The following SMOC2 variants were observed in gnomAD, a reference collection of about 807,000 sequenced individuals.
The protein encoded by SMOC2 is SPARC related modular calcium binding 2.
Under a neutral mutation model 61.4 loss-of-function variants are expected in SMOC2, and 39 were observed. The ratio of observed to expected loss-of-function variants is 0.64; its 90% CI spans 0.49 to 0.83. The LOEUF (loss-of-function observed/expected upper bound fraction) is 0.83. SMOC2 is among the 40% of genes least tolerant of loss of function. The pLI, the probability that SMOC2 is intolerant of heterozygous loss-of-function variation, is 0.00. For synonymous variants in SMOC2, 247 were observed against 239.9 expected, an observed-to-expected ratio of 1.03 and a Z score of -0.27; for missense variants, 556 against 592.9, an observed-to-expected ratio of 0.94 and a Z score of 0.65.
intron 7 of SMOC2, among the ~76,000 whole-genome samples, chr6:168,582,568 A>G (rs1452147516): frequency 2.6e-5 from 4 of 152,058 alleles, no homozygotes; most frequent in Admixed American, 2.6e-4. Flanking sequence ...AGGAAACCAG[A>G]CAGCTGGAGG....
chr6:168,588,241 G>A (rs1023353039), intron 7 of SMOC2, among the ~76,000 whole-genome samples: 1 of 151,268 alleles, frequency 6.6e-6, no homozygotes, highest in East Asian at 1.9e-4. Flanking sequence ...CTCCTGTCTC[G>A]GCCCCCTGAG....
chr6:168,599,548 A>T, intron 8 of SMOC2, among the ~76,000 whole-genome samples: 1 of 98,672 alleles, frequency 1.0e-5, no homozygotes, highest in Non-Finnish European at 2.0e-5. Context: ...ACTCACACAC[A>T]CTCATACCCC....
At chr6:168,524,475 T>C (rs1253841435) in intron 2 of SMOC2, among the ~76,000 whole-genome samples, 1 of 152,212 alleles carries the variant, frequency 6.6e-6, no homozygotes, top group East Asian at 1.9e-4. Flanking sequence ...TTAAAAGAAG[T>C]CCACGCCAAG....
chr6:168,514,120 C>T (rs2115056652), intron 2 of SMOC2, among the ~76,000 whole-genome samples: 1 of 152,278 alleles, frequency 6.6e-6, no homozygotes, highest in South Asian at 2.1e-4. Flanking sequence ...AGTGCCGACC[C>T]CACCCAGCTT....
intron 7 of SMOC2, among the ~76,000 whole-genome samples, chr6:168,586,054 G>T (rs1018825127): frequency 3.3e-5 from 5 of 152,080 alleles, no homozygotes; most frequent in Middle Eastern, 3.2e-3. Flanking sequence ...CTGCCCTAGA[G>T]ATCTTTGTCT....
chr6:168,540,729 G>A (rs997705202), intron 4 of SMOC2, among the ~76,000 whole-genome samples: 1 of 152,180 alleles, frequency 6.6e-6, no homozygotes, highest in Admixed American at 6.5e-5. Flanking sequence ...ACGCCGTCTA[G>A]ACCAGAGAAC....
At position 168,542,444 on chromosome 6, in the gene SMOC2, T is replaced by C. The variant is rs574695871; in HGVS notation, c.464-1181T>C. 5.3e-5 allele frequency among the ~76,000 whole-genome samples: 8 copies of C among 152,312 alleles called. No homozygotes were observed. The East Asian group carries it at 7.7e-4, about 15-fold the overall frequency. On this transcript the variant is annotated intron_variant, in intron 4 of 12. Coordinates refer to ENST00000356284, the MANE Select transcript of SMOC2 (RefSeq NM_001166412.2). Reference sequence around the variant, plus strand: ...TTTTTATCCCCTGGGGACACTAAATTCCCAAACGCATATTATTTAGTTATT... The same window carrying C: ...TTTTTATCCCCTGGGGACACTAAATCCCCAAACGCATATTATTTAGTTATT...
rs531256997 is a variant in SMOC2, at chr6:168,557,786, A to C, written c.637+8583A>C. Among the ~76,000 whole-genome samples, 145 of 152,308 alleles carry C rather than the reference A, an allele frequency of 9.5e-4. 3 individuals are homozygous for C. The South Asian group carries it at 0.028, about 30-fold the overall frequency. On this transcript the variant is annotated intron_variant, in intron 7 of 12. Transcript: ENST00000356284. ...ATGTTGACCTCATATGATGCTTATGAGGTACCAGGCAAGGCACCGTGTGTT... is the reference window on the plus strand; with the variant it reads ...ATGTTGACCTCATATGATGCTTATGCGGTACCAGGCAAGGCACCGTGTGTT...
Position 168,637,273 on chromosome 6 carries a change from C to T in SMOC2, c.908-13408C>T, listed in dbSNP as rs377201343. ...GTGGTCCATTAACAAACCCAGATGA[C>T]GCCTGTGTGCCAGGGTGGCCGCGGC... On this transcript the variant is annotated intron_variant, in intron 9 of 12. Coordinates refer to ENST00000356284, the MANE Select transcript of SMOC2 (RefSeq NM_001166412.2). 5.3e-5 allele frequency among the ~76,000 whole-genome samples: 8 copies of T among 152,146 alleles called. No homozygotes were observed. The East Asian group carries it at 1.2e-3, about 22-fold the overall frequency.
rs1454991643 is a variant in SMOC2 at position 168,516,811 on chromosome 6, G to A, written c.256+6725G>A. Among the ~76,000 whole-genome samples, 7 of 152,212 alleles carry A rather than the reference G, an allele frequency of 4.6e-5. No individual in the cohort carries two copies. In the East Asian group the frequency reaches 5.8e-4, roughly 13 times the overall value. Reference sequence around the variant, plus strand: ...AAAATACAACAACAAAAAAATAGCCGGTAGTAGTGTCAGGTGCCTGTAATT... The same window carrying A: ...AAAATACAACAACAAAAAAATAGCCAGTAGTAGTGTCAGGTGCCTGTAATT... On this transcript the variant is annotated intron_variant, in intron 2 of 12. Transcript: ENST00000356284.
At chr6:168,606,904 A>G (rs1444473825) in intron 8 of SMOC2, among the ~76,000 whole-genome samples, 11 of 152,138 alleles carry the variant, frequency 7.2e-5, no homozygotes, top group African/African-American at 2.7e-4. Context: ...GCCGCCACGA[A>G]GGATTCCACG....
chr6:168,469,604 T>C (rs940901661), intron 1 of SMOC2, among the ~76,000 whole-genome samples: 5 of 152,200 alleles, frequency 3.3e-5, no homozygotes, highest in Non-Finnish European at 7.3e-5. Flanking sequence ...AACCCAGGCT[T>C]GTACGGAAAG....
chr6:168,614,699 ACC>A (rs1786009799), intron 9 of SMOC2, among the ~76,000 whole-genome samples: 1 of 84,028 alleles, frequency 1.2e-5, no homozygotes. Flanking sequence ...GCCTCTTCAC[ACC>A]TACAGCCAGC....
intron 11 of SMOC2, among the ~76,000 whole-genome samples, chr6:168,656,496 A>G (rs1787324320): frequency 7.0e-6 from 1 of 143,832 alleles, no homozygotes; most frequent in African/African-American, 2.5e-5. Flanking sequence ...TGACAAAGCA[A>G]GACTTTGTGT....
Position 168,553,401 on chromosome 6 carries a change from G to A in SMOC2, c.637+4198G>A, listed in dbSNP as rs1015866139. 2.0e-5 allele frequency among the ~76,000 whole-genome samples: 3 copies of A among 152,218 alleles called. No individual in the cohort carries two copies. Among genetic ancestry groups the A allele is most frequent in the East Asian group, 3.9e-4 (2 of 5,182 alleles). ...AAGATTTTATCAGATAAGACATTTT[G>A]TAAGATACAGTCTTTTAATTATGTA... On this transcript the variant is annotated intron_variant, in intron 7 of 12. Coordinates refer to ENST00000356284, the MANE Select transcript of SMOC2 (RefSeq NM_001166412.2). This position sits in a 1 kb window ranked among gnomAD's most constrained non-coding sequence, Gnocchi z 4.2.
chr6:168,536,825 G>A (rs1183286061), intron 4 of SMOC2, among the ~76,000 whole-genome samples: 6 of 152,190 alleles, frequency 3.9e-5, no homozygotes, highest in Admixed American at 3.3e-4. Flanking sequence ...CTGTGGCCAC[G>A]GTGAGGCTCA....
chr6:168,584,519 A>AATGGAAC (rs151135214), intron 7 of SMOC2, among the ~76,000 whole-genome samples: 1,742 of 152,222 alleles, frequency 0.011, 30 homozygotes, highest in African/African-American at 0.039. Context: ...AGTGTACACT[A>AATGGAAC]ATGGAACACC....
At chr6:168,469,502 A>G (rs1351195373) in intron 1 of SMOC2, among the ~76,000 whole-genome samples, 1 of 152,240 alleles carries the variant, frequency 6.6e-6, no homozygotes, top group Non-Finnish European at 1.5e-5. Flanking sequence ...TCAGAGGGTC[A>G]GGGTTTGAAT....
chr6:168,595,660 A>G (rs1372627154), intron 7 of SMOC2, among the ~76,000 whole-genome samples: 1 of 152,246 alleles, frequency 6.6e-6, no homozygotes, highest in Admixed American at 6.5e-5. Flanking sequence ...ACATGCAGCC[A>G]GGTTTATCAG....
Sources: gnomAD v4.1 joint callset for allele counts (sites outside exome capture counted in the v4.1 genomes callset) on GRCh38, gnomAD v4.1.1 for gene constraint, Gnocchi (gnomAD v3.1) non-coding constraint, MANE v1.5 for transcripts, NCBI Gene and HGNC (gene_info 2026-07-23, HGNC 2026-07-21) for gene names.